The following UGGT2 variants were observed in gnomAD, a reference collection of about 807,000 sequenced individuals.
UGGT2 encodes UDP-glucose glycoprotein glucosyltransferase 2.
A neutral mutation model predicts 192.1 loss-of-function variants in UGGT2; 180 were observed. The ratio of observed to expected loss-of-function variants is 0.94; its 90% CI spans 0.83 to 1.06. The LOEUF (loss-of-function observed/expected upper bound fraction) is 1.06. UGGT2 is among the 50% of genes least tolerant of loss of function. The pLI is 0.00. For missense variants in UGGT2, 1,849 were observed against 1,795.7 expected (o/e 1.03, Z -0.54); for synonymous variants, 580 against 591.0 (o/e 0.98, Z 0.27).
Position 95,837,141 on chromosome 13 carries a change from C to T in UGGT2, c.4346G>A (p.Trp1449Ter). ...AIKSLPQDWL[W>*]CETWCDDESK... ...TTCATCATCACACCAGGTTTCACAC[C>T]ACAGCCAGTCTTGAGGAAGAGACTT... Residue 1449 changes from tryptophan to a stop codon, truncating the protein, a stop_gained, in exon 37 of 39, where the codon TGG becomes TAG. Coordinates refer to ENST00000376747, the MANE Select transcript of UGGT2 (RefSeq NM_020121.4). LOFTEE classifies it high-confidence loss of function. The T allele has an allele frequency of 6.2e-7, 1 of 1,614,048 alleles. No homozygotes were observed. The highest frequency in any genetic ancestry group is 8.5e-7 in the Non-Finnish European group (1 of 1,179,968).
rs759071311 is a variant in UGGT2, at chr13:95,972,655, A to T, written c.1109T>A (p.Phe370Tyr). The T allele has an allele frequency of 1.4e-5, 22 of 1,613,614 alleles. No individual in the cohort carries two copies. In the Admixed American group the frequency reaches 3.7e-4, roughly 27 times the overall value. The change falls in exon 11 of 39, where the codon TTT becomes TAT. Residue 370 changes from phenylalanine (F) to tyrosine (Y), a missense_variant. Transcript: ENST00000376747. ...KENQKDLQVRFKIQPGDARLF... is the reference protein window; with the variant it reads ...KENQKDLQVRYKIQPGDARLF... The stretch of plus-strand genomic sequence containing the variant: ...ACGAGCATCGCCTGGCTGAATTTTA[A>T]ATCTAACTTGAAGATCCTTGAAGTA...
intron 37 of UGGT2, among the ~76,000 whole-genome samples, chr13:95,833,299 A>G (rs186611000): frequency 2.6e-4 from 40 of 152,158 alleles, no homozygotes; most frequent in African/African-American, 8.9e-4. Context: ...CTGATGACTC[A>G]TAAGTCTGTC....
chr13:95,836,079 T>C (rs1178999782), intron 37 of UGGT2, among the ~76,000 whole-genome samples: 1 of 152,178 alleles, frequency 6.6e-6, no homozygotes, highest in Non-Finnish European at 1.5e-5. Context: ...AATGGAGTTT[T>C]GCTCTTGTCT....
chr13:95,894,706 T>C (rs1299591338), intron 23 of UGGT2, 49 bp from the exon 24 acceptor site: 2 of 1,439,600 alleles, frequency 1.4e-6, no homozygotes, highest in Middle Eastern at 1.8e-4. Context: ...AAGAGTTCCA[T>C]ATTTCATGTT....
At chr13:96,025,894 CAG>C (rs2052649492) in intron 2 of UGGT2, among the ~76,000 whole-genome samples, 1 of 151,696 alleles carries the variant, frequency 6.6e-6, no homozygotes, top group African/African-American at 2.4e-5. Context: ...GTAGGAGAAA[CAG>C]AATATGCAGA....
At chr13:95,840,117 T>C (rs1304252992) in intron 36 of UGGT2, among the ~76,000 whole-genome samples, 1 of 152,074 alleles carries the variant, frequency 6.6e-6, no homozygotes, top group East Asian at 1.9e-4. Flanking sequence ...GGCAATACCA[T>C]TCAGGACACA....
intron 7 of UGGT2, chr13:95,995,294 T>G (rs2051583346): frequency 6.6e-6 from 1 of 152,084 alleles, no homozygotes; most frequent in African/African-American, 2.4e-5. Flanking sequence ...AATAATAGAC[T>G]GCCAATAGTT....
intron 26 of UGGT2, chr13:95,887,349 T>G (rs747750268): frequency 2.0e-6 from 1 of 507,344 alleles, no homozygotes; most frequent in Non-Finnish European, 3.9e-6. Context: ...TGAATGACAG[T>G]GATTCTGATC....
At chr13:95,970,698 CAAATTT>C (rs2050745656) in intron 11 of UGGT2, among the ~76,000 whole-genome samples, 1 of 152,016 alleles carries the variant, frequency 6.6e-6, no homozygotes, top group South Asian at 2.1e-4. Context: ...TGTTTGAATA[CAAATTT>C]AAATTTTTTA....
At chr13:95,993,716 T>A (rs981312070) in intron 7 of UGGT2, among the ~76,000 whole-genome samples, 1 of 152,172 alleles carries the variant, frequency 6.6e-6, no homozygotes, top group Non-Finnish European at 1.5e-5. Context: ...ATCCTTACTG[T>A]CTATAGTTAT....
Position 95,956,495 on chromosome 13 carries a change from C to T in UGGT2, c.1336-7041G>A, listed in dbSNP as rs1238526125. ...AACAAAGAACCCAATTTAAAATGGG[C>T]AAAGGACTTGAATAGATATTCCTCT... On this transcript the variant is annotated intron_variant, in intron 12 of 38. Coordinates refer to ENST00000376747, the MANE Select transcript of UGGT2 (RefSeq NM_020121.4). Among the ~76,000 whole-genome samples, 4 of 152,142 alleles carry T rather than the reference C, an allele frequency of 2.6e-5. No homozygotes were observed. In the East Asian group the frequency reaches 7.7e-4, roughly 29 times the overall value.
At chr13:95,801,914 T>A in intron 38 of UGGT2, 102 bp from the exon 39 acceptor site, 1 of 1,383,168 alleles carries the variant, frequency 7.2e-7, no homozygotes, top group Non-Finnish European at 1.0e-6. Flanking sequence ...TGACTGAGGA[T>A]CCTTTATTTG....
At chr13:95,820,632 G>A (rs1456495904) in intron 38 of UGGT2, among the ~76,000 whole-genome samples, 1 of 151,752 alleles carries the variant, frequency 6.6e-6, no homozygotes, top group Admixed American at 6.6e-5. Flanking sequence ...TAGCTTTTGG[G>A]GTGCAAGTGG....
At chr13:95,901,797 C>T (rs925121018) in intron 21 of UGGT2, among the ~76,000 whole-genome samples, 2 of 152,086 alleles carry the variant, frequency 1.3e-5, no homozygotes, top group South Asian at 4.1e-4. Flanking sequence ...AGGCCCTGAT[C>T]TTTACCTCCA....
intron 12 of UGGT2, among the ~76,000 whole-genome samples, chr13:95,964,359 C>G (rs938755159): frequency 1.3e-5 from 2 of 152,014 alleles, no homozygotes; most frequent in Non-Finnish European, 2.9e-5. Flanking sequence ...AAGTATAAAA[C>G]TACTAGAAGA....
At chr13:96,036,908 CCATGCCCAGTT>C (rs1197152294) in intron 1 of UGGT2, among the ~76,000 whole-genome samples, 1 of 152,096 alleles carries the variant, frequency 6.6e-6, no homozygotes, top group Non-Finnish European at 1.5e-5. Context: ...GCACATGCCA[CCATGCCCAGTT>C]CACTCTTTTG....
intron 4 of UGGT2, among the ~76,000 whole-genome samples, chr13:96,019,408 C>T (rs2052448365): frequency 1.3e-5 from 2 of 151,956 alleles, no homozygotes; most frequent in Admixed American, 6.6e-5. Context: ...TGTGGGAAAC[C>T]CATCATTTAA....
In UGGT2 at chr13:95,936,924, C is replaced by CA. The variant is rs762239651; in HGVS notation, c.1976dup (p.Leu659PhefsTer6). On this transcript the variant is annotated frameshift_variant and splice_region_variant, in exon 17 of 39. Transcript: ENST00000376747. LOFTEE classifies it high-confidence loss of function. ...TATTTTCTTATAAATGCTTACCTAC[C>CA]AAAAAAACTTCTCTTTGTAAATATA... is the stretch of plus-strand genomic sequence containing the variant. 4.0e-6 allele frequency: 6 copies of CA among 1,509,114 alleles called. No individual in the cohort carries two copies. The highest frequency in any genetic ancestry group is 1.4e-5 in the South Asian group (1 of 71,768). The allele number at this position is 1,509,114 out of a possible 1,614,324, so 93.5% of individuals were successfully genotyped here. A position where few individuals can be genotyped will look rare whatever the true frequency, so the allele number is the denominator to read the frequency against.
intron 36 of UGGT2, among the ~76,000 whole-genome samples, chr13:95,841,518 G>A (rs550817039): frequency 6.6e-6 from 1 of 152,104 alleles, no homozygotes; most frequent in Non-Finnish European, 1.5e-5. Flanking sequence ...AATCAACCCT[G>A]GTGATCAATG....
Sources: gnomAD v4.1 joint callset for allele counts (sites outside exome capture counted in the v4.1 genomes callset) on GRCh38, gnomAD v4.1.1 for gene constraint, MANE v1.5 for transcripts, NCBI Gene and HGNC (gene_info 2026-07-23, HGNC 2026-07-21) for gene names.